The following TBC1D16 variants were observed in gnomAD, a reference collection of about 807,000 sequenced individuals.
TBC1D16 encodes the protein CTD-2529O21.1.
TBC1D16 carries 58 observed loss-of-function variants against 74.7 expected under a neutral mutation model. The ratio of observed to expected loss-of-function variants is 0.78; its 90% confidence interval spans 0.63 to 0.97. The LOEUF is 0.97. TBC1D16 is among the 50% of genes least tolerant of loss of function. The pLI is 0.00. For missense variants in TBC1D16, 1,014 were observed against 1,079.5 expected, an observed-to-expected ratio of 0.94 and a Z score of 0.85; for synonymous variants, 493 against 474.7, an observed-to-expected ratio of 1.04 and a Z score of -0.50.
chr17:79,948,828 T>C, intron 8 of TBC1D16, 44 bp downstream of exon 8: 1 of 1,612,908 alleles, frequency 6.2e-7, no homozygotes, highest in Non-Finnish European at 8.5e-7. Flanking sequence ...AGGTGAGGCT[T>C]GCAGACTTGC....
At chr17:80,019,108 C>G (rs1449426985) in intron 1 of TBC1D16, among the ~76,000 whole-genome samples, 2 of 150,230 alleles carry the variant, frequency 1.3e-5, no homozygotes, top group East Asian at 3.8e-4. Flanking sequence ...TGGCTGCACA[C>G]AGCTCTCAGC....
In TBC1D16 at chr17:80,007,351, G is replaced by A; in HGVS notation, c.779+2809C>T. 6.6e-6 allele frequency among the ~76,000 whole-genome samples: 1 copy of A among 152,226 alleles called. No individual in the cohort carries two copies. The highest frequency in any genetic ancestry group is 1.5e-5 in the Non-Finnish European group (1 of 68,038). On this transcript the variant is annotated intron_variant, in intron 3 of 11. Coordinates refer to ENST00000310924, the MANE Select transcript of TBC1D16 (RefSeq NM_019020.4). The surrounding 1 kb of genome is among the most constrained non-coding windows in gnomAD (Gnocchi z 4.5). The stretch of plus-strand genomic sequence containing the variant: ...CCCTCACGCCGACTCTGCCCTACAA[G>A]GGGGTTCTTGGCCGCACTTCACACC...
intron 3 of TBC1D16, among the ~76,000 whole-genome samples, chr17:80,004,858 T>C (rs1054684450): frequency 1.3e-5 from 2 of 152,100 alleles, no homozygotes; most frequent in African/African-American, 2.4e-5. Flanking sequence ...TATTTTTAGT[T>C]GAGATGGGGT....
At chr17:79,945,636 G>A (rs114928698) in intron 9 of TBC1D16, among the ~76,000 whole-genome samples, 1,740 of 152,326 alleles carry the variant, frequency 0.011, 36 homozygotes, top group African/African-American at 0.039. Flanking sequence ...GGCAGCACTC[G>A]GGCCCAGGCC....
rs375456171 is a variant in TBC1D16 at position 80,010,364 on chromosome 17, G to A, written c.575C>T (p.Pro192Leu). 59 of 1,612,040 alleles carry A rather than the reference G, an allele frequency of 3.7e-5. No homozygotes were observed. Among genetic ancestry groups the A allele is most frequent in the Non-Finnish European group, 4.6e-5 (54 of 1,179,312 alleles). ...SPSGILSTVS[P>L]QDVTEEGREP... ...CCGCCCCTCCTCGGTGACATCCTGC[G>A]GACTGACCGTCGACAAGATCCCGGA... Residue 192 changes from proline (P) to leucine (L), a missense_variant, in exon 3 of 12, where the codon CCG becomes CTG. Pro to Leu is a moderately conservative substitution (Grantham distance 98, BLOSUM62 -3). Transcript: ENST00000310924. The surrounding 1 kb of genome is among the most constrained non-coding windows in gnomAD (Gnocchi z 8.8).
chr17:80,010,626 C>T lies in TBC1D16; in HGVS notation c.313G>A (p.Val105Ile), dbSNP rs373599883. The T allele has an allele frequency of 1.0e-4, 162 of 1,575,868 alleles. No individual in the cohort carries two copies. The highest frequency in any genetic ancestry group is 1.2e-4 in the Non-Finnish European group (145 of 1,163,912). ...LRYITPESSP[V>I]RKAPRPRGRR... Reference sequence around the variant, plus strand: ...CCCCGAGGGCGGGGTGCCTTGCGAACGGGGGAGCTCTCGGGTGTGATGTAG... The same window carrying T: ...CCCCGAGGGCGGGGTGCCTTGCGAATGGGGGAGCTCTCGGGTGTGATGTAG... Residue 105 changes from valine (V) to isoleucine (I), a missense_variant, in exon 3 of 12, where the codon GTT (valine) becomes ATT (isoleucine). Val to Ile is a conservative substitution (Grantham distance 29). Transcript: ENST00000310924. The surrounding 1 kb of genome is among the most constrained non-coding windows in gnomAD (Gnocchi z 8.8).
Position 80,010,767 on chromosome 17 carries a change from G to C in TBC1D16, c.182-10C>G, listed in dbSNP as rs1049845617. The C allele has an allele frequency of 1.4e-6, 2 of 1,476,824 alleles. No homozygotes were observed. Among genetic ancestry groups the C allele is most frequent in the Non-Finnish European group, 1.8e-6 (2 of 1,115,168 alleles). The allele number at this position is 1,476,824 out of a possible 1,614,324, so 91.5% of individuals were successfully genotyped here. The stretch of plus-strand genomic sequence containing the variant: ...TACAAGCACAGGTAACCTGTGAGGA[G>C]CCAGGGGGATGGCACGTTAGAGGCC... On this transcript the variant is annotated splice_polypyrimidine_tract_variant and intron_variant, in intron 2 of 11. Transcript: ENST00000310924. The surrounding 1 kb of genome is among the most constrained non-coding windows in gnomAD (Gnocchi z 8.8).
intron 3 of TBC1D16, among the ~76,000 whole-genome samples, chr17:79,991,590 C>G (rs911679354): frequency 1.3e-5 from 2 of 151,992 alleles, no homozygotes; most frequent in African/African-American, 4.8e-5. Flanking sequence ...AGTTAATATC[C>G]ACGTGATTTA....
At chr17:80,011,244 A>G (rs1235658758) in intron 2 of TBC1D16, among the ~76,000 whole-genome samples, 1 of 143,232 alleles carries the variant, frequency 7.0e-6, no homozygotes, top group Non-Finnish European at 1.5e-5. Flanking sequence ...ATAAGGTTTC[A>G]CTATGTTGCC....
intron 3 of TBC1D16, among the ~76,000 whole-genome samples, chr17:79,962,204 T>A (rs2033647405): frequency 2.2e-5 from 1 of 44,484 alleles, no homozygotes; most frequent in Non-Finnish European, 4.0e-5. Context: ...TCAACCTATT[T>A]TTTTTTTTTT....
chr17:79,973,895 C>G (rs2034221232), intron 3 of TBC1D16, among the ~76,000 whole-genome samples: 1 of 152,148 alleles, frequency 6.6e-6, no homozygotes. Flanking sequence ...AAACAATATA[C>G]TGTAATAAAA....
At position 79,936,909 on chromosome 17, in the gene TBC1D16, CGTGTGTGT is replaced by C. The variant is rs71959726; in HGVS notation, c.*3942_*3949del. The C allele has an allele frequency of 0.012, 1,521 of 122,306 alleles. 29 individuals are homozygous for C. The highest frequency in any genetic ancestry group is 0.036 in the African/African-American group (1,353 of 37,380). 7.6% of individuals were successfully genotyped at this position (122,306 alleles called of 1,614,324 possible). ...GTGCATGCGTGCGTGTGTGCATGTG[CGTGTGTGT>C]GTGTGTGTGTGTGTGTGTGTGTGCG... On this transcript the variant is annotated 3_prime_UTR_variant, in exon 12 of 12. Transcript: ENST00000310924.
In TBC1D16 at chr17:79,954,183, C is replaced by T. The variant is rs1239686578; in HGVS notation, c.780-1365G>A. On this transcript the variant is annotated intron_variant, in intron 3 of 11. Transcript: ENST00000310924. The surrounding 1 kb of genome is among the most constrained non-coding windows in gnomAD (Gnocchi z 5.5). ...CCCACAGAGACTCAGCCGCATTCAC[C>T]GCACCTGCCTTCCCGTTTGAGCTCA... is the stretch of plus-strand genomic sequence containing the variant. Among the ~76,000 whole-genome samples, 6 of 152,180 alleles carry T rather than the reference C, an allele frequency of 3.9e-5. No individual in the cohort carries two copies. The highest frequency in any genetic ancestry group is 7.3e-5 in the Non-Finnish European group (5 of 68,030).
chr17:79,953,276 G>A (rs890270532), intron 3 of TBC1D16, among the ~76,000 whole-genome samples: 5 of 152,226 alleles, frequency 3.3e-5, no homozygotes, highest in African/African-American at 9.7e-5. Context: ...TGGGGCTTCC[G>A]CGTGGTTTAA....
chr17:80,025,353 C>T lies in TBC1D16; in HGVS notation c.-63+10442G>A, dbSNP rs535541323. Among the ~76,000 whole-genome samples the T allele has an allele frequency of 3.3e-5, 5 of 149,760 alleles. No individual in the cohort carries two copies. In the South Asian group the frequency reaches 6.3e-4, roughly 19 times the overall value. ...GGGAAGCCCCAGGCGGATCCGGGGCCGCAGGAGCCTCCCTACCCAGCCCCC... is the reference window on the plus strand; with the variant it reads ...GGGAAGCCCCAGGCGGATCCGGGGCTGCAGGAGCCTCCCTACCCAGCCCCC... On this transcript the variant is annotated intron_variant, in intron 1 of 11. Coordinates refer to ENST00000310924, the MANE Select transcript of TBC1D16 (RefSeq NM_019020.4).
Position 79,950,912 on chromosome 17 carries a change from G to A in TBC1D16, c.1090-334C>T. On this transcript the variant is annotated intron_variant, in intron 5 of 11. Coordinates refer to ENST00000310924, the MANE Select transcript of TBC1D16 (RefSeq NM_019020.4). The surrounding 1 kb of genome is among the most constrained non-coding windows in gnomAD (Gnocchi z 4.6). ...GGAGGGCCTGCAATGAATTACATGT[G>A]ATTGGCCACATACAAAGGGATCGCT... The A allele has an allele frequency of 1.4e-6, 2 of 1,400,344 alleles. No homozygotes were observed. Among genetic ancestry groups the A allele is most frequent in the Non-Finnish European group, 1.9e-6 (2 of 1,048,526 alleles). The allele number at this position is 1,400,344 out of a possible 1,614,324, so 86.7% of individuals were successfully genotyped here. A position where few individuals can be genotyped will look rare whatever the true frequency, so the allele number is the denominator to read the frequency against.
Position 79,987,921 on chromosome 17 carries a change from G to A in TBC1D16, c.779+22239C>T, listed in dbSNP as rs145065412. 2.7e-4 allele frequency among the ~76,000 whole-genome samples: 41 copies of A among 152,142 alleles called. 1 individual carries two copies. The East Asian group carries it at 5.2e-3, about 19-fold the overall frequency. ...ATGCAGAGGCTCAGAAAAACCCTCC[G>A]AGGCTCTCGGATTTTACGCCTGCAT... On this transcript the variant is annotated intron_variant, in intron 3 of 11. Transcript: ENST00000310924. This position sits in a 1 kb window ranked among gnomAD's most constrained non-coding sequence, Gnocchi z 5.2.
Position 79,950,887 on chromosome 17 carries a change from G to C in TBC1D16, c.1090-309C>G. 2 of 1,482,150 alleles carry C rather than the reference G, an allele frequency of 1.3e-6. No homozygotes were observed. Among genetic ancestry groups the C allele is most frequent in the South Asian group, 1.3e-5 (1 of 77,508 alleles). The allele number at this position is 1,482,150 out of a possible 1,614,324, so 91.8% of individuals were successfully genotyped here. A position where few individuals can be genotyped will look rare whatever the true frequency, so the allele number is the denominator to read the frequency against. On this transcript the variant is annotated intron_variant, in intron 5 of 11. Transcript: ENST00000310924. This position sits in a 1 kb window ranked among gnomAD's most constrained non-coding sequence, Gnocchi z 4.6. ...CGTTCGGCCTAACTTCCCTCTGCCGGGAGGGCCTGCAATGAATTACATGTG... is the reference window on the plus strand; with the variant it reads ...CGTTCGGCCTAACTTCCCTCTGCCGCGAGGGCCTGCAATGAATTACATGTG...
rs1009852729 is a variant in TBC1D16 at position 79,940,791 on chromosome 17, C to T, written c.*68G>A. 9 of 1,443,428 alleles carry T rather than the reference C, an allele frequency of 6.2e-6. No individual in the cohort carries two copies. The highest frequency in any genetic ancestry group is 8.2e-6 in the Non-Finnish European group (9 of 1,090,956). The allele number at this position is 1,443,428 out of a possible 1,614,324, so 89.4% of individuals were successfully genotyped here. A position where few individuals can be genotyped will look rare whatever the true frequency, so the allele number is the denominator to read the frequency against. ...CCCCTGTCCCCTTCACGCCCAGCCC[C>T]ACCCCCTCCCGTGCCCAGGGCCTCT... On this transcript the variant is annotated 3_prime_UTR_variant, in exon 12 of 12. Coordinates refer to ENST00000310924, the MANE Select transcript of TBC1D16 (RefSeq NM_019020.4). This position sits in a 1 kb window ranked among gnomAD's most constrained non-coding sequence, Gnocchi z 5.4.
Sources: gnomAD v4.1 joint callset for allele counts (sites outside exome capture counted in the v4.1 genomes callset) on GRCh38, gnomAD v4.1.1 for gene constraint, Gnocchi (gnomAD v3.1) non-coding constraint, MANE v1.5 for transcripts, NCBI Gene and HGNC (gene_info 2026-07-23, HGNC 2026-07-21) for gene names.